The following PPP3CA variants were observed in gnomAD, a reference collection of about 807,000 sequenced individuals.
The protein encoded by PPP3CA is protein phosphatase 3 catalytic subunit alpha, also known as CAM-PRP catalytic subunit.
Under a neutral mutation model 66.5 loss-of-function variants are expected in PPP3CA, and 14 were observed. The observed-to-expected ratio is 0.21, with a 90% CI of 0.14 to 0.33. The LOEUF (loss-of-function observed/expected upper bound fraction) is 0.33. Among genes scored for constraint, PPP3CA ranks in the 10% least tolerant of loss-of-function variants. The probability of loss-of-function intolerance (pLI) is 1.00; values close to 1 mark genes in which losing one functional copy is unlikely to be tolerated. For missense variants in PPP3CA, 317 were observed against 639.5 expected (o/e 0.50, Z 5.44); for synonymous variants, 232 against 226.2 (o/e 1.03, Z -0.23).
rs779266188 is a variant in PPP3CA at position 101,061,036 on chromosome 4, C to CT, written c.1156+50dup. On this transcript the variant is annotated intron_variant, in intron 10 of 13. Transcript: ENST00000394854. ...TATTCTTAGATTTAGCAATGAGACT[C>CT]TAAGTAATTATCTGGCAAATAGCAT... The CT allele has an allele frequency of 2.8e-6, 4 of 1,450,950 alleles. No homozygotes were observed. In the East Asian group the frequency reaches 9.1e-5, roughly 33 times the overall value. 89.9% of individuals were successfully genotyped at this position (1,450,950 alleles called of 1,614,324 possible).
rs183825096 is a variant in PPP3CA at position 101,085,278 on chromosome 4, C to T, written c.783-2015G>A. 1.2e-3 allele frequency among the ~76,000 whole-genome samples: 185 copies of T among 152,280 alleles called. 1 individual carries two copies. The highest frequency in any genetic ancestry group is 4.3e-3 in the African/African-American group (177 of 41,558). Reference sequence around the variant, plus strand: ...ATACTGTCTTGTTACCACTGTCAGACAGGTTGCCTGACTATGTCTGTCACT... The same window carrying T: ...ATACTGTCTTGTTACCACTGTCAGATAGGTTGCCTGACTATGTCTGTCACT... On this transcript the variant is annotated intron_variant, in intron 6 of 13. Coordinates refer to ENST00000394854, the MANE Select transcript of PPP3CA (RefSeq NM_000944.5).
intron 1 of PPP3CA, among the ~76,000 whole-genome samples, chr4:101,326,089 C>G (rs909154077): frequency 6.6e-6 from 1 of 152,110 alleles, no homozygotes; most frequent in Non-Finnish European, 1.5e-5. Flanking sequence ...TGAGCCGAGA[C>G]TGCACCAATG....
chr4:101,182,054 G>A (rs756056836), intron 2 of PPP3CA, among the ~76,000 whole-genome samples: 12 of 152,162 alleles, frequency 7.9e-5, no homozygotes, highest in Non-Finnish European at 1.6e-4. Context: ...AGGAAAAATT[G>A]GAAAGCAGCC....
At chr4:101,043,375 T>C (rs888036448) in intron 10 of PPP3CA, among the ~76,000 whole-genome samples, 2 of 152,024 alleles carry the variant, frequency 1.3e-5, no homozygotes, top group Non-Finnish European at 2.9e-5. Context: ...ATCAGAAAAA[T>C]GCTCAAATAC....
chr4:101,096,178 T>C (rs1019093794), intron 5 of PPP3CA, among the ~76,000 whole-genome samples: 1 of 152,218 alleles, frequency 6.6e-6, no homozygotes. Context: ...ATTATTTTTA[T>C]ACTTGAACAC....
At chr4:101,060,969 C>G in intron 10 of PPP3CA, 118 bp downstream of exon 10, 1 of 842,928 alleles carries the variant, frequency 1.2e-6, no homozygotes, top group South Asian at 1.6e-5. Context: ...CTTTTATTCT[C>G]AATAATGTTA....
intron 1 of PPP3CA, among the ~76,000 whole-genome samples, chr4:101,219,926 CAAAT>C (rs1725570983): frequency 6.6e-6 from 1 of 151,586 alleles, no homozygotes; most frequent in Admixed American, 6.6e-5. Context: ...GTAATTTGGC[CAAAT>C]AAATGTTACT....
At chr4:101,079,689 CAT>C (rs1169847385) in intron 8 of PPP3CA, among the ~76,000 whole-genome samples, 1 of 152,348 alleles carries the variant, frequency 6.6e-6, no homozygotes, top group East Asian at 1.9e-4. Flanking sequence ...ACCAATGCTA[CAT>C]AGAGTTAAAG....
At chr4:101,345,926 G>C (rs964436006) in intron 1 of PPP3CA, among the ~76,000 whole-genome samples, 1 of 152,234 alleles carries the variant, frequency 6.6e-6, no homozygotes, top group Non-Finnish European at 1.5e-5. Flanking sequence ...AACCCTTTAA[G>C]AGCAATGACA....
chr4:101,299,106 GTTTTT>G (rs556244769), intron 1 of PPP3CA, among the ~76,000 whole-genome samples: 12 of 85,534 alleles, frequency 1.4e-4, no homozygotes, highest in South Asian at 1.1e-3. Flanking sequence ...GCCATATATC[GTTTTT>G]TTTTTTTTTT....
intron 1 of PPP3CA, among the ~76,000 whole-genome samples, chr4:101,231,616 T>C (rs989862762): frequency 6.6e-6 from 1 of 151,744 alleles, no homozygotes; most frequent in Non-Finnish European, 1.5e-5. Context: ...AAGGCAAATA[T>C]ATACCATAAG....
At chr4:101,040,306 A>G (rs1473262482) in intron 11 of PPP3CA, among the ~76,000 whole-genome samples, 176 bp downstream of exon 11, 1 of 152,246 alleles carries the variant, frequency 6.6e-6, no homozygotes, top group Non-Finnish European at 1.5e-5. Flanking sequence ...CAATTTAACT[A>G]AAATAGTGAG....
intron 1 of PPP3CA, among the ~76,000 whole-genome samples, chr4:101,222,359 T>C (rs1725653412): frequency 1.3e-5 from 2 of 151,762 alleles, no homozygotes; most frequent in South Asian, 2.1e-4. Flanking sequence ...TGTAAAACTT[T>C]CCACCCTCAA....
chr4:101,090,702 C>G (rs1256416450), intron 6 of PPP3CA, among the ~76,000 whole-genome samples: 2 of 124,710 alleles, frequency 1.6e-5, no homozygotes, highest in Non-Finnish European at 3.5e-5. Context: ...ATGCTGAAAA[C>G]AAAAGTGAAA....
At chr4:101,035,249 C>A (rs2850607) in intron 11 of PPP3CA, among the ~76,000 whole-genome samples, 113,879 of 151,722 alleles carry the variant, frequency 0.75, 44,366 homozygotes, top group African/African-American at 0.88. Context: ...AGCCAGAGCG[C>A]AAGAGCGAGA....
intron 2 of PPP3CA, among the ~76,000 whole-genome samples, chr4:101,124,726 AGAAAGAAAG>A (rs1560614457): frequency 1.8e-3 from 81 of 45,670 alleles, no homozygotes; most frequent in Non-Finnish European, 3.1e-3. Context: ...AGAAAGAAAG[AGAAAGAAAG>A]AAAGAAAGAA....
At chr4:101,170,369 T>C (rs184594655) in intron 2 of PPP3CA, among the ~76,000 whole-genome samples, 1 of 152,282 alleles carries the variant, frequency 6.6e-6, no homozygotes, top group Admixed American at 6.5e-5. Flanking sequence ...TTTAATCTCC[T>C]GGACCCTCAA....
chr4:101,302,748 G>C (rs1221435438), intron 1 of PPP3CA, among the ~76,000 whole-genome samples: 2 of 152,154 alleles, frequency 1.3e-5, no homozygotes, highest in Admixed American at 6.5e-5. Flanking sequence ...TTGAGAAAGG[G>C]AGAAACTGAG....
At chr4:101,257,744 T>C (rs1726890117) in intron 1 of PPP3CA, among the ~76,000 whole-genome samples, 1 of 152,126 alleles carries the variant, frequency 6.6e-6, no homozygotes, top group Non-Finnish European at 1.5e-5. Flanking sequence ...ATGTACTATT[T>C]GTTTATTTTT....
Sources: gnomAD v4.1 joint callset for allele counts (sites outside exome capture counted in the v4.1 genomes callset) on GRCh38, gnomAD v4.1.1 for gene constraint, MANE v1.5 for transcripts, NCBI Gene and HGNC (gene_info 2026-07-23, HGNC 2026-07-21) for gene names.